HS1BP3: variants seen among roughly 807,000 people sequenced by gnomAD.
HS1BP3 encodes HCLS1 binding protein 3.
In HS1BP3, 32 loss-of-function variants were observed where a neutral mutation model predicts 33.5. The observed-to-expected ratio is 0.95, with a 90% CI of 0.72 to 1.28. HS1BP3 has a LOEUF of 1.28. Among genes scored for constraint, HS1BP3 ranks in the 50% most tolerant of loss-of-function variants. The probability of loss-of-function intolerance (pLI) is 0.00; values close to 1 mark genes in which losing one functional copy is unlikely to be tolerated. For missense variants in HS1BP3, 486 were observed against 502.3 expected (o/e 0.97, Z 0.31); for synonymous variants, 187 against 209.2 (o/e 0.89, Z 0.92).
In HS1BP3 at chr2:20,595,859, A is replaced by G. The variant is rs115935091; in HGVS notation, c.*12+2349T>C. ...GCCTCTTGGGGCCCCTGACACCTCC[A>G]AGTGGCCAAAAAAAAGGTCATACCA... On this transcript the variant is annotated intron_variant, in intron 3 of 3. Transcript: ENST00000415264. Among the ~76,000 whole-genome samples, 1,456 of 152,270 alleles carry G rather than the reference A, an allele frequency of 9.6e-3. 28 individuals carry two copies. Among genetic ancestry groups the G allele is most frequent in the African/African-American group, 0.033 (1,366 of 41,534 alleles).
the HS1BP3 span, among the ~76,000 whole-genome samples, chr2:20,555,242 T>A: frequency 6.6e-6 from 1 of 152,172 alleles, no homozygotes; most frequent in Non-Finnish European, 1.5e-5. Flanking sequence ...CTCTGTTGAG[T>A]GAGCCCAAGG....
intron 2 of HS1BP3, among the ~76,000 whole-genome samples, chr2:20,608,043 C>G (rs1376861004): frequency 6.6e-6 from 1 of 151,850 alleles, no homozygotes; most frequent in Non-Finnish European, 1.5e-5. Flanking sequence ...CTTGATTTTC[C>G]TTTTGTAGTG....
Position 20,645,423 on chromosome 2 carries a change from CG to C in HS1BP3, c.114del (p.His38GlnfsTer9). On this transcript the variant is annotated frameshift_variant, in exon 2 of 7. Transcript: ENST00000304031. LOFTEE classifies it high-confidence loss of function. ...GTCACCACCAGGATCTGGTACTCCACGTGTCCAGACATCATCTTGCCCCGTA... is the reference window on the plus strand; with the variant it reads ...GTCACCACCAGGATCTGGTACTCCACTGTCCAGACATCATCTTGCCCCGTA... The part of the protein sequence containing the change: ...QEVRGKMMSG[H>X]VEYQILVVTR... The C allele has an allele frequency of 6.2e-7, 1 of 1,614,140 alleles. No individual in the cohort carries two copies. Among genetic ancestry groups the C allele is most frequent in the South Asian group, 1.1e-5 (1 of 91,072 alleles).
At chr2:20,571,554 G>A (rs558318224) in intron 5 of HS1BP3, among the ~76,000 whole-genome samples, 85 of 152,314 alleles carry the variant, frequency 5.6e-4, no homozygotes, top group Middle Eastern at 3.4e-3. Flanking sequence ...TGGCGCCATC[G>A]GTTGGAAAAA....
At chr2:20,624,995 A>C in intron 4 of HS1BP3, 103 bp from the exon 5 acceptor site, 5 of 1,378,510 alleles carry the variant, frequency 3.6e-6, no homozygotes, top group Non-Finnish European at 5.1e-6. Flanking sequence ...GAGGGGCTGG[A>C]TGCCATGGGC....
rs762783439 is a variant in HS1BP3 at position 20,624,724 on chromosome 2, C to G, written c.784+8G>C. 6.3e-7 allele frequency: 1 copy of G among 1,582,776 alleles called. No individual in the cohort carries two copies. Reference sequence around the variant, plus strand: ...GACACCAGGAGCAGACCATGGGGCTCTACTTACGGTCCACGGATGACACGT... The same window carrying G: ...GACACCAGGAGCAGACCATGGGGCTGTACTTACGGTCCACGGATGACACGT... On this transcript the variant is annotated splice_region_variant and intron_variant, in intron 5 of 6. Coordinates refer to ENST00000304031, the MANE Select transcript of HS1BP3 (RefSeq NM_022460.4).
chr2:20,649,203 A>C (rs1695610427), intron 1 of HS1BP3, among the ~76,000 whole-genome samples: 2 of 150,870 alleles, frequency 1.3e-5, no homozygotes, highest in South Asian at 2.1e-4. Context: ...ATCATCCTTC[A>C]CTCCCAAGCT....
chr2:20,584,779 C>T (rs1693640050), intron 5 of HS1BP3, among the ~76,000 whole-genome samples: 1 of 152,154 alleles, frequency 6.6e-6, no homozygotes, highest in South Asian at 2.1e-4. Flanking sequence ...GAGGGACATG[C>T]ACACCACATG....
intron 2 of HS1BP3, among the ~76,000 whole-genome samples, chr2:20,604,713 C>G (rs1022825107): frequency 6.6e-6 from 1 of 152,180 alleles, no homozygotes; most frequent in Admixed American, 6.5e-5. Flanking sequence ...ACAGCAAAAC[C>G]TGTGTTCTTT....
At chr2:20,616,273 G>A (rs759158688), downstream of HS1BP3, among the ~76,000 whole-genome samples, 3 of 152,192 alleles carry the variant, frequency 2.0e-5, no homozygotes, top group Non-Finnish European at 4.4e-5. Context: ...ATCTTGGGGG[G>A]GATAGAGGCC....
At chr2:20,622,726 G>C (rs13412483) in intron 6 of HS1BP3, 85,266 of 182,030 alleles carry the variant, frequency 0.47, 20,751 homozygotes, top group East Asian at 0.72. Flanking sequence ...CTGCTGCTCC[G>C]CAGGCAGACT....
chr2:20,612,064 G>C (rs982119084), intron 2 of HS1BP3, among the ~76,000 whole-genome samples: 2 of 152,154 alleles, frequency 1.3e-5, no homozygotes, highest in Non-Finnish European at 2.9e-5. Context: ...TATGCATCAG[G>C]TATTGTTCAA....
At chr2:20,589,828 G>A (rs576276150), downstream of HS1BP3, among the ~76,000 whole-genome samples, 1 of 152,074 alleles carries the variant, frequency 6.6e-6, no homozygotes, top group Non-Finnish European at 1.5e-5. Context: ...ACTCCTCACA[G>A]CTGGGGGCGG....
downstream of HS1BP3, among the ~76,000 whole-genome samples, chr2:20,616,291 G>A (rs1024566480): frequency 6.6e-6 from 1 of 152,214 alleles, no homozygotes; most frequent in African/African-American, 2.4e-5. Context: ...GCCACATTCT[G>A]TCCCTGCAGG....
chr2:20,606,153 T>C (rs1379825285), intron 2 of HS1BP3: 1 of 179,458 alleles, frequency 5.6e-6, no homozygotes, highest in Non-Finnish European at 1.2e-5. Context: ...TCTGAATAGA[T>C]TTAAGTGGGT....
chr2:20,613,737 C>A (rs115810123), downstream of HS1BP3, among the ~76,000 whole-genome samples: 1,719 of 152,340 alleles, frequency 0.011, 28 homozygotes, highest in African/African-American at 0.04. Context: ...CCTCCTGACA[C>A]GTCCCCTCAC....
At chr2:20,645,677 A>G (rs1695497847) in intron 1 of HS1BP3, among the ~76,000 whole-genome samples, 172 bp from the exon 2 acceptor site, 1 of 152,146 alleles carries the variant, frequency 6.6e-6, no homozygotes. Context: ...CAGCCCTCAT[A>G]AGCCTGGCTT....
intron 5 of HS1BP3, among the ~76,000 whole-genome samples, chr2:20,566,362 G>T (rs188799165): frequency 8.5e-5 from 13 of 152,318 alleles, no homozygotes; most frequent in Non-Finnish European, 1.6e-4. Context: ...ATGTGGGTCC[G>T]GGTGGGGTGA....
intron 2 of HS1BP3, among the ~76,000 whole-genome samples, chr2:20,610,639 T>G (rs1558333550): frequency 6.6e-6 from 1 of 152,226 alleles, no homozygotes; most frequent in African/African-American, 2.4e-5. Flanking sequence ...AAAGGACATC[T>G]TGGTTGCTCC....
Sources: gnomAD v4.1 joint callset for allele counts (sites outside exome capture counted in the v4.1 genomes callset) on GRCh38, gnomAD v4.1.1 for gene constraint, MANE v1.5 for transcripts, NCBI Gene and HGNC (gene_info 2026-07-23, HGNC 2026-07-21) for gene names.